Variants in L3MBTL4 observed in about 807,000 individuals in gnomAD.
L3MBTL4 encodes lethal(3)malignant brain tumor-like protein 4.
Under a neutral mutation model 84.5 loss-of-function variants are expected in L3MBTL4, and 70 were observed. The ratio of observed to expected loss-of-function variants is 0.83; its 90% CI spans 0.68 to 1.01. The LOEUF is 1.01. Ranked by LOEUF, L3MBTL4 falls within the 50% of genes least tolerant of loss-of-function variation. The probability of loss-of-function intolerance (pLI) is 0.00; values close to 1 mark genes in which losing one functional copy is unlikely to be tolerated. For synonymous variants in L3MBTL4, 274 were observed against 259.8 expected, an observed-to-expected ratio of 1.05 and a Z score of -0.52; for missense variants, 715 against 754.8, an observed-to-expected ratio of 0.95 and a Z score of 0.62.
intron 1 of L3MBTL4, among the ~76,000 whole-genome samples, chr18:6,388,833 G>A (rs2054929576): frequency 6.6e-6 from 1 of 152,146 alleles, no homozygotes. Flanking sequence ...AGGCTACTAA[G>A]GCCCCAACAC....
chr18:5,979,250 AG>A (rs2053100494), intron 16 of L3MBTL4, among the ~76,000 whole-genome samples: 1 of 152,164 alleles, frequency 6.6e-6, no homozygotes, highest in Admixed American at 6.5e-5. Flanking sequence ...GAGGGTCCAC[AG>A]GGGTCAACTT....
At chr18:6,124,002 C>A (rs183389479) in intron 14 of L3MBTL4, among the ~76,000 whole-genome samples, 2 of 152,134 alleles carry the variant, frequency 1.3e-5, no homozygotes, top group African/African-American at 4.8e-5. Flanking sequence ...GGAAGGCCCA[C>A]ATCAGGCTGG....
At chr18:6,121,447 T>A (rs576436314) in intron 14 of L3MBTL4, among the ~76,000 whole-genome samples, 2 of 152,326 alleles carry the variant, frequency 1.3e-5, no homozygotes, top group South Asian at 4.1e-4. Context: ...GATGCTATAA[T>A]TATCATATCA....
intron 1 of L3MBTL4, among the ~76,000 whole-genome samples, chr18:6,348,204 A>G (rs1464455582): frequency 1.3e-5 from 2 of 152,068 alleles, no homozygotes; most frequent in Non-Finnish European, 2.9e-5. Context: ...AGTACAGTAA[A>G]GGTGACAATT....
chr18:6,349,929 A>C (rs1288468233), intron 1 of L3MBTL4, among the ~76,000 whole-genome samples: 2 of 152,112 alleles, frequency 1.3e-5, no homozygotes, highest in Non-Finnish European at 2.9e-5. Flanking sequence ...ACTTCATAAA[A>C]AAAATAAATA....
chr18:6,171,252 A>G (rs1221533888), intron 13 of L3MBTL4, among the ~76,000 whole-genome samples: 1 of 152,228 alleles, frequency 6.6e-6, no homozygotes, highest in East Asian at 1.9e-4. Context: ...CAGCCTAATC[A>G]GATCAGAGGA....
At chr18:6,132,545 C>T (rs2059906116) in intron 14 of L3MBTL4, among the ~76,000 whole-genome samples, 2 of 152,348 alleles carry the variant, frequency 1.3e-5, no homozygotes, top group South Asian at 2.1e-4. Flanking sequence ...ATTCTTCTCA[C>T]TATCACACCT....
intron 16 of L3MBTL4, chr18:6,029,956 A>G (rs373164711): frequency 1.4e-5 from 14 of 985,370 alleles, no homozygotes; most frequent in Non-Finnish European, 1.7e-5. Context: ...CACCTACAGA[A>G]GACACTTTGA....
At chr18:6,343,578 C>T (rs952291849) in intron 1 of L3MBTL4, among the ~76,000 whole-genome samples, 2 of 150,220 alleles carry the variant, frequency 1.3e-5, no homozygotes, top group South Asian at 2.1e-4. Context: ...AGGAGAATGG[C>T]GTGAACCCAA....
chr18:6,106,088 A>G (rs571012302), intron 14 of L3MBTL4, among the ~76,000 whole-genome samples: 10 of 152,304 alleles, frequency 6.6e-5, no homozygotes, highest in African/African-American at 2.4e-4. Flanking sequence ...TTATGGATGA[A>G]GGAACTGGGG....
chr18:6,091,116 T>TAG (rs1287829885), intron 15 of L3MBTL4, among the ~76,000 whole-genome samples: 4 of 152,200 alleles, frequency 2.6e-5, no homozygotes, highest in Non-Finnish European at 4.4e-5. Flanking sequence ...AGATTTGGGT[T>TAG]AGAGAAAAGG....
At chr18:6,354,913 C>T (rs958140694) in intron 1 of L3MBTL4, among the ~76,000 whole-genome samples, 12 of 152,138 alleles carry the variant, frequency 7.9e-5, no homozygotes, top group Admixed American at 6.5e-4. Flanking sequence ...ACCATATAAT[C>T]CAGCAGTCCT....
At chr18:6,181,157 A>T (rs934536693) in intron 12 of L3MBTL4, among the ~76,000 whole-genome samples, 1 of 143,600 alleles carries the variant, frequency 7.0e-6, no homozygotes, top group Non-Finnish European at 1.5e-5. Context: ...GGTGAGGACA[A>T]TTTTTTTTTT....
intron 16 of L3MBTL4, chr18:6,031,445 C>T: frequency 1.0e-6 from 1 of 985,398 alleles, no homozygotes; most frequent in South Asian, 4.7e-5. Flanking sequence ...GAGGTGGGAC[C>T]ATTCTTTGCC....
chr18:6,054,460 C>G (rs2056943861), intron 16 of L3MBTL4, among the ~76,000 whole-genome samples: 1 of 152,158 alleles, frequency 6.6e-6, no homozygotes, highest in African/African-American at 2.4e-5. Flanking sequence ...AGGGGTTTAC[C>G]ACACTCAGTA....
intron 12 of L3MBTL4, among the ~76,000 whole-genome samples, chr18:6,185,982 T>G (rs952824432): frequency 1.4e-5 from 2 of 147,920 alleles, no homozygotes; most frequent in African/African-American, 2.6e-5. Flanking sequence ...TTATTTTATT[T>G]TATTTTATTT....
intron 3 of L3MBTL4, among the ~76,000 whole-genome samples, chr18:6,310,666 T>A (rs935090339): frequency 6.6e-6 from 1 of 152,176 alleles, no homozygotes; most frequent in African/African-American, 2.4e-5. Flanking sequence ...GGGTCACAGA[T>A]GAGAATGCTG....
At chr18:6,223,036 A>T (rs2046625827) in intron 10 of L3MBTL4, among the ~76,000 whole-genome samples, 1 of 151,384 alleles carries the variant, frequency 6.6e-6, no homozygotes, top group Admixed American at 6.6e-5. Context: ...CAAAATATTA[A>T]TTTGCAAAGC....
At chr18:5,996,643 C>T (rs971235797) in intron 16 of L3MBTL4, among the ~76,000 whole-genome samples, 3 of 152,032 alleles carry the variant, frequency 2.0e-5, no homozygotes, top group African/African-American at 7.3e-5. Flanking sequence ...AAAGACTGGG[C>T]CTGACCACAC....
Sources: allele counts gnomAD v4.1 joint callset (sites outside exome capture counted in the v4.1 genomes callset), GRCh38; gene constraint gnomAD v4.1.1; transcripts MANE v1.5; gene names NCBI Gene and HGNC (gene_info 2026-07-23, HGNC 2026-07-21).